Variants in SLC25A27 observed in about 807,000 individuals in gnomAD.
SLC25A27 encodes solute carrier family 25 member 27, also known as mitochondrial uncoupling protein 4.
Under a neutral mutation model 49.1 loss-of-function variants are expected in SLC25A27, and 35 were observed. That is an observed-to-expected ratio of 0.71 (90% confidence interval 0.54 to 0.95). The LOEUF (loss-of-function observed/expected upper bound fraction) is 0.95. Among genes scored for constraint, SLC25A27 ranks in the 40% least tolerant of loss-of-function variants. SLC25A27 has a pLI of 0.00. For missense variants in SLC25A27, 339 were observed against 397.1 expected (o/e 0.85, Z 1.24); for synonymous variants, 144 against 136.9 (o/e 1.05, Z -0.36).
At chr6:46,665,720 C>T (rs544575884) in intron 5 of SLC25A27, among the ~76,000 whole-genome samples, 8 of 152,092 alleles carry the variant, frequency 5.3e-5, no homozygotes, top group South Asian at 2.1e-4. Context: ...CCCTCCTATA[C>T]GTACTACTTT....
chr6:46,653,442 C>T, intron 1 of SLC25A27, 144 bp downstream of exon 1: 1 of 1,430,980 alleles, frequency 7.0e-7, no homozygotes, highest in South Asian at 1.5e-5. Flanking sequence ...GCGGTGGAGG[C>T]CAGGCCCGCG....
rs1762810935 is a variant in SLC25A27 at position 46,653,138 on chromosome 6, C to T, written c.-55C>T. ...CCTGGCAGGGAAGCGGCCGCCGCGGCGCGGTGCAGCGCAGCGGCGAGAAGG... is the reference window on the plus strand; with the variant it reads ...CCTGGCAGGGAAGCGGCCGCCGCGGTGCGGTGCAGCGCAGCGGCGAGAAGG... On this transcript the variant is annotated 5_prime_UTR_variant, in exon 1 of 9. Transcript: ENST00000371347. 2 of 1,526,270 alleles carry T rather than the reference C, an allele frequency of 1.3e-6. No homozygotes were observed. The highest frequency in any genetic ancestry group is 1.1e-5 in the South Asian group (1 of 86,960). 94.5% of individuals were successfully genotyped at this position (1,526,270 alleles called of 1,614,324 possible).
At position 46,655,966 on chromosome 6, in the gene SLC25A27, G is replaced by T; in HGVS notation, c.230G>T (p.Gly77Val). The T allele has an allele frequency of 6.2e-7, 1 of 1,613,406 alleles. No individual in the cohort carries two copies. Among genetic ancestry groups the T allele is most frequent in the East Asian group, 2.2e-5 (1 of 44,814 alleles). ...PYRGMVRTAL[G>V]IIEEEGFLKL... is the part of the protein sequence containing the mutation. ...AGGGGAATGGTGCGCACAGCTCTAG[G>T]GATCATTGAAGAGGAAGGCTTTCTA... Residue 77 changes from glycine to valine, a missense_variant, in exon 2 of 9, where the codon GGG becomes GTG. Transcript: ENST00000371347.
chr6:46,655,524 T>G (rs1231280083), intron 1 of SLC25A27, among the ~76,000 whole-genome samples: 1 of 143,458 alleles, frequency 7.0e-6, no homozygotes, highest in African/African-American at 2.6e-5. Flanking sequence ...TAATTTTTAT[T>G]GTTAATGTTT....
intron 2 of SLC25A27, among the ~76,000 whole-genome samples, chr6:46,656,931 C>T (rs757629802): frequency 2.6e-5 from 4 of 152,104 alleles, no homozygotes; most frequent in African/African-American, 9.7e-5. Context: ...TTTGGAAAGC[C>T]GAGGCGGGAT....
chr6:46,671,053 C>T (rs1342693437), intron 7 of SLC25A27, 73 bp from the exon 8 acceptor site: 14 of 1,068,858 alleles, frequency 1.3e-5, no homozygotes, highest in Non-Finnish European at 1.8e-5. Context: ...TATAAGATTC[C>T]TTAGACAATT....
In SLC25A27 at chr6:46,669,989, A is replaced by G. The variant is rs1763464336; in HGVS notation, c.705-146A>G. On this transcript the variant is annotated intron_variant, in intron 6 of 8. Transcript: ENST00000371347. ...TGTTGTTTTTCTACCTCTTTAATTA[A>G]TTTAGCATTAATTTTAAGCAAAAAG... 5 of 537,030 alleles carry G rather than the reference A, an allele frequency of 9.3e-6. No homozygotes were observed. The Admixed American group carries it at 1.5e-4, about 17-fold the overall frequency. The allele number at this position is 537,030 out of a possible 1,614,324, so 33.3% of individuals were successfully genotyped here. A position where few individuals can be genotyped will look rare whatever the true frequency, so the allele number is the denominator to read the frequency against.
chr6:46,666,288 G>A (rs961605260), intron 5 of SLC25A27, among the ~76,000 whole-genome samples: 1 of 152,130 alleles, frequency 6.6e-6, no homozygotes, highest in African/African-American at 2.4e-5. Context: ...GCTACTGCAT[G>A]TCCATATCCT....
rs1763269252 is a variant in SLC25A27 at position 46,664,754 on chromosome 6, T to A, written c.507-20T>A. On this transcript the variant is annotated intron_variant, in intron 4 of 8. Transcript: ENST00000371347. Reference sequence around the variant, plus strand: ...ACAGGAATACATGGAGTTTTCACATTTAATTATTATTCTCCTTAGATTTCG... The same window carrying A: ...ACAGGAATACATGGAGTTTTCACATATAATTATTATTCTCCTTAGATTTCG... 1 of 1,425,308 alleles carries A rather than the reference T, an allele frequency of 7.0e-7. No individual in the cohort carries two copies. Among genetic ancestry groups the A allele is most frequent in the Non-Finnish European group, 9.7e-7 (1 of 1,025,988 alleles). 88.3% of individuals were successfully genotyped at this position (1,425,308 alleles called of 1,614,324 possible). A position where few individuals can be genotyped will look rare whatever the true frequency, so the allele number is the denominator to read the frequency against.
intron 7 of SLC25A27, 37 bp downstream of exon 7, chr6:46,670,264 A>G (rs1415006670): frequency 3.2e-6 from 4 of 1,258,266 alleles, no homozygotes; most frequent in Non-Finnish European, 4.6e-6. Context: ...GTGCTTGAAT[A>G]TCTGTAATAC....
intron 8 of SLC25A27, among the ~76,000 whole-genome samples, chr6:46,672,207 GA>G (rs990541604): frequency 2.0e-5 from 3 of 151,660 alleles, no homozygotes; most frequent in South Asian, 2.1e-4. Flanking sequence ...AAGAGGGCAG[GA>G]AAAAAAACAT....
At chr6:46,675,827 G>A (rs1188227111) in intron 8 of SLC25A27, among the ~76,000 whole-genome samples, 1 of 152,098 alleles carries the variant, frequency 6.6e-6, no homozygotes, top group East Asian at 1.9e-4. Flanking sequence ...AACTGGAAGG[G>A]CTTTTTTCTA....
At chr6:46,667,463 C>T (rs1763362454) in intron 5 of SLC25A27, among the ~76,000 whole-genome samples, 1 of 152,220 alleles carries the variant, frequency 6.6e-6, no homozygotes, top group Admixed American at 6.5e-5. Flanking sequence ...CACTCCTCTG[C>T]TCAAAAGCCT....
intron 1 of SLC25A27, 142 bp from the exon 2 acceptor site, chr6:46,655,701 T>C (rs1762956266): frequency 1.4e-6 from 1 of 701,292 alleles, no homozygotes; most frequent in Non-Finnish European, 2.3e-6. Flanking sequence ...ATTTCTAATT[T>C]TTAAAATCTC....
At chr6:46,674,296 A>T (rs537043923) in intron 8 of SLC25A27, among the ~76,000 whole-genome samples, 2 of 152,294 alleles carry the variant, frequency 1.3e-5, no homozygotes, top group South Asian at 4.1e-4. Context: ...CATTTTTCAG[A>T]TAAGAAAATC....
intron 1 of SLC25A27, 55 bp downstream of exon 1, chr6:46,653,353 G>A: frequency 2.6e-6 from 4 of 1,547,498 alleles, no homozygotes; most frequent in Non-Finnish European, 3.5e-6. Context: ...GCCGCGCTGG[G>A]GGAGGGTGCG....
chr6:46,675,059 G>A (rs1248754406), intron 8 of SLC25A27, among the ~76,000 whole-genome samples: 1 of 152,114 alleles, frequency 6.6e-6, no homozygotes, highest in African/African-American at 2.4e-5. Flanking sequence ...CTGTACAGAG[G>A]CTTGGTAAAT....
Position 46,655,909 on chromosome 6 carries a change from T to C in SLC25A27, c.173T>C (p.Leu58Ser), listed in dbSNP as rs766815037. 6.2e-7 allele frequency: 1 copy of C among 1,613,930 alleles called. No homozygotes were observed. Reference sequence around the variant, plus strand: ...CAAGGAGAAGCAGCTCTTGCTCGGTTGGGAGACGGTGCAAGAGAATCTGCC... The same window carrying C: ...CAAGGAGAAGCAGCTCTTGCTCGGTCGGGAGACGGTGCAAGAGAATCTGCC... The part of the protein sequence containing the change: ...QMQGEAALAR[L>S]GDGARESAPY... Residue 58 changes from leucine (L) to serine (S), a missense_variant, in exon 2 of 9, where the codon TTG becomes TCG. Leu to Ser is a moderately radical substitution (Grantham distance 145). Transcript: ENST00000371347.
At chr6:46,666,442 A>G (rs1763327605) in intron 5 of SLC25A27, among the ~76,000 whole-genome samples, 1 of 152,250 alleles carries the variant, frequency 6.6e-6, no homozygotes, top group East Asian at 1.9e-4. Context: ...GTTCTAAGAA[A>G]TATATAAATA....
Sources: allele counts gnomAD v4.1 joint callset (sites outside exome capture counted in the v4.1 genomes callset), GRCh38; gene constraint gnomAD v4.1.1; transcripts MANE v1.5; gene names NCBI Gene and HGNC (gene_info 2026-07-23, HGNC 2026-07-21).